Variants in PPRC1 observed in about 807,000 individuals in gnomAD.
PPRC1 encodes the protein PPARG related coactivator 1.
In PPRC1, 23 loss-of-function variants were observed where a neutral mutation model predicts 132.5. That is an observed-to-expected ratio of 0.17 (90% confidence interval 0.12 to 0.25). PPRC1 has a LOEUF of 0.25. Among genes scored for constraint, PPRC1 ranks in the 10% least tolerant of loss-of-function variants. The pLI, the probability that PPRC1 is intolerant of heterozygous loss-of-function variation, is 1.00. For synonymous variants in PPRC1, 872 were observed against 833.5 expected, an observed-to-expected ratio of 1.05 and a Z score of -0.80; for missense variants, 2,006 against 2,089.1, an observed-to-expected ratio of 0.96 and a Z score of 0.78.
At position 102,148,809 on chromosome 10, in the gene PPRC1, A is replaced by T; in HGVS notation, c.4618-8A>T. 2 of 1,613,972 alleles carry T rather than the reference A, an allele frequency of 1.2e-6. No homozygotes were observed. Among genetic ancestry groups the T allele is most frequent in the Non-Finnish European group, 1.7e-6 (2 of 1,179,988 alleles). ...GGTGTGTTGATTTTTTTTCATTTCC[A>T]AACATAGGAAGAAAGAAGGGTGGTC... On this transcript the variant is annotated splice_polypyrimidine_tract_variant and splice_region_variant and intron_variant, in intron 11 of 13. Coordinates refer to ENST00000278070, the MANE Select transcript of PPRC1 (RefSeq NM_015062.5). This position sits in a 1 kb window ranked among gnomAD's most constrained non-coding sequence, Gnocchi z 4.2.
chr10:102,126,549 C>T, the PPRC1 span, among the ~76,000 whole-genome samples: 3 of 151,030 alleles, frequency 2.0e-5, no homozygotes, highest in Non-Finnish European at 4.4e-5. Context: ...ACCTCTGCCT[C>T]CTGGGTTCAA....
chr10:102,125,932 G>A, the PPRC1 span, among the ~76,000 whole-genome samples: 4 of 148,870 alleles, frequency 2.7e-5, no homozygotes, highest in African/African-American at 7.4e-5. Flanking sequence ...GCACAATCTC[G>A]GCTCACTGCA....
At chr10:102,142,195 C>T (rs1219346582) in intron 5 of PPRC1, among the ~76,000 whole-genome samples, 191 bp downstream of exon 5, 1 of 151,494 alleles carries the variant, frequency 6.6e-6, no homozygotes, top group Non-Finnish European at 1.5e-5. Context: ...CACTGCCTCC[C>T]AGGTTCAAGC....
chr10:102,144,789 G>C (rs1055521993), intron 7 of PPRC1: 1 of 546,618 alleles, frequency 1.8e-6, no homozygotes, highest in Non-Finnish European at 3.3e-6. Context: ...GGAGGTGGGG[G>C]GTATTCAAGG....
Position 102,147,363 on chromosome 10 carries a change from C to T in PPRC1, c.4371C>T (p.Ser1457=), listed in dbSNP as rs1251792067. ...CCTCATCCCGATCTCGGTCCAGGTC[C>T]CTCTCCCCCCCACACAAGAGGTGGC... is the stretch of plus-strand genomic sequence containing the variant. The part of the protein sequence containing the change: ...SSSSSRSRSR[S]LSPPHKRWRR... Residue 1457 remains serine (S), a synonymous_variant, in exon 9 of 14, where the codon TCC becomes TCT. Transcript: ENST00000278070. The T allele has an allele frequency of 6.2e-7, 1 of 1,607,496 alleles. No homozygotes were observed. The highest frequency in any genetic ancestry group is 1.1e-5 in the South Asian group (1 of 91,066).
At chr10:102,138,808 AC>A in intron 3 of PPRC1, 43 bp downstream of exon 3, 1 of 1,613,456 alleles carries the variant, frequency 6.2e-7, no homozygotes, top group South Asian at 1.1e-5. Flanking sequence ...CAAAGTTTAG[AC>A]CCATGCCTGT....
chr10:102,142,978 C>T, intron 5 of PPRC1, 67 bp from the exon 6 acceptor site: 1 of 1,399,088 alleles, frequency 7.1e-7, no homozygotes, highest in African/African-American at 1.4e-5. Flanking sequence ...GATTTGGGGG[C>T]TTCCTGGGAC....
chr10:102,132,846 C>A (rs907019001), upstream of PPRC1: 6 of 512,856 alleles, frequency 1.2e-5, no homozygotes, highest in African/African-American at 9.9e-5. Flanking sequence ...CTACAGGATG[C>A]CTGCAGCTAG....
chr10:102,142,084 C>G, intron 5 of PPRC1, 80 bp downstream of exon 5: 2 of 1,456,276 alleles, frequency 1.4e-6, no homozygotes, highest in Non-Finnish European at 9.2e-7. Flanking sequence ...CCTGATGAGG[C>G]TGGCCTTTGT....
intron 5 of PPRC1, among the ~76,000 whole-genome samples, chr10:102,142,291 C>T (rs1021802103): frequency 7.1e-5 from 9 of 126,094 alleles, no homozygotes; most frequent in African/African-American, 2.0e-4. Flanking sequence ...TTAGTAGAGA[C>T]GAGGTTTCAC....
intron 3 of PPRC1, 54 bp downstream of exon 3, chr10:102,138,819 T>C: frequency 1.2e-6 from 2 of 1,612,648 alleles, no homozygotes; most frequent in Non-Finnish European, 1.7e-6. Flanking sequence ...CCCATGCCTG[T>C]GGACCTACTC....
intron 1 of PPRC1, among the ~76,000 whole-genome samples, chr10:102,133,825 CCCGGG>C (rs1173449713): frequency 1.3e-5 from 2 of 151,758 alleles, no homozygotes; most frequent in African/African-American, 4.8e-5. Context: ...GGGCTGGAGG[CCCGGG>C]CCGGGAAGGA....
intron 8 of PPRC1, among the ~76,000 whole-genome samples, chr10:102,145,781 C>T (rs2069209663): frequency 2.6e-5 from 4 of 151,994 alleles, no homozygotes; most frequent in East Asian, 1.9e-4. Flanking sequence ...AGGAGAATAG[C>T]GTGAACCCAG....
upstream of PPRC1, among the ~76,000 whole-genome samples, chr10:102,130,440 A>C (rs1220736217): frequency 3.0e-4 from 43 of 143,188 alleles, no homozygotes; most frequent in Admixed American, 1.0e-3. Flanking sequence ...AAAAAAAAAA[A>C]AACAACTAAA....
In PPRC1 at chr10:102,141,005, C is replaced by T. The variant is rs373720834; in HGVS notation, c.2497C>T (p.Pro833Ser). 2 of 1,614,072 alleles carry T rather than the reference C, an allele frequency of 1.2e-6. No individual in the cohort carries two copies. The highest frequency in any genetic ancestry group is 1.1e-5 in the South Asian group (1 of 91,084). Residue 833 changes from proline (P) to serine (S), a missense_variant, in exon 5 of 14, where the codon CCA (proline) becomes TCA (serine). This residue lies in a region of PPRC1 where 1,914 missense variants were observed against 1,917.2 expected (regional missense o/e 1.00). Transcript: ENST00000278070. Reference protein sequence around the residue: ...GPSPASPSPEPPVSKPVASSP... With the variant: ...GPSPASPSPESPVSKPVASSP... ...CAGCCCTGCTTCTCCTAGTCCTGAG[C>T]CACCTGTAAGCAAACCTGTGGCCTC...
rs2068791356 is a variant in PPRC1 at position 102,138,055 on chromosome 10, C to G, written c.342+17C>G. 1.2e-6 allele frequency: 2 copies of G among 1,606,000 alleles called. No homozygotes were observed. The highest frequency in any genetic ancestry group is 1.3e-5 in the African/African-American group (1 of 74,568). ...CTTGGAGAGGTGAGCTGGGGCTGGA[C>G]TCTGAAATCTTCAAGCAGGAGGTTT... is the stretch of plus-strand genomic sequence containing the variant. On this transcript the variant is annotated intron_variant, in intron 2 of 13. Coordinates refer to ENST00000278070, the MANE Select transcript of PPRC1 (RefSeq NM_015062.5).
chr10:102,128,439 C>T (rs144498361), upstream of PPRC1, among the ~76,000 whole-genome samples: 704 of 151,974 alleles, frequency 4.6e-3, 10 homozygotes, highest in African/African-American at 0.016. Flanking sequence ...CCACCGCACC[C>T]CGCCCCTCTA....
In PPRC1 at chr10:102,133,234, C is replaced by T. The variant is rs776691743; in HGVS notation, c.153+13C>T. The T allele has an allele frequency of 1.6e-6, 2 of 1,277,518 alleles. No homozygotes were observed. Among genetic ancestry groups the T allele is most frequent in the Admixed American group, 3.6e-5 (1 of 27,938 alleles). 79.1% of individuals were successfully genotyped at this position (1,277,518 alleles called of 1,614,324 possible). On this transcript the variant is annotated intron_variant, in intron 1 of 13. Coordinates refer to ENST00000278070, the MANE Select transcript of PPRC1 (RefSeq NM_015062.5). ...CGGCGGCGAGCAGGTGAGAGGTTGG[C>T]TGGCGGCCCGCGACAGGCAGCAAAG...
At position 102,148,349 on chromosome 10, in the gene PPRC1, C is replaced by T. The variant is rs761866292; in HGVS notation, c.4401-23C>T. ...TATACCTGAACCACTCCCAGCATTC[C>T]TGCATGCCCTCTTATCCTTCAGGTC... On this transcript the variant is annotated intron_variant, in intron 9 of 13. Coordinates refer to ENST00000278070, the MANE Select transcript of PPRC1 (RefSeq NM_015062.5). This position sits in a 1 kb window ranked among gnomAD's most constrained non-coding sequence, Gnocchi z 4.2. 2.2e-5 allele frequency: 36 copies of T among 1,610,548 alleles called. No individual in the cohort carries two copies. The highest frequency in any genetic ancestry group is 2.9e-5 in the Non-Finnish European group (34 of 1,178,848).
Sources: gnomAD v4.1 joint callset for allele counts (sites outside exome capture counted in the v4.1 genomes callset) on GRCh38, gnomAD v4.1.1 for gene constraint, gnomAD v4.1.1 regional missense constraint, Gnocchi (gnomAD v3.1) non-coding constraint, MANE v1.5 for transcripts, NCBI Gene and HGNC (gene_info 2026-07-23, HGNC 2026-07-21) for gene names.